The following FLYWCH1 variants were observed in gnomAD, a reference collection of about 807,000 sequenced individuals.
The protein encoded by FLYWCH1 is FLYWCH-type zinc finger 1, also known as FLYWCH-type zinc finger-containing protein 1.
FLYWCH1 carries 75 observed loss-of-function variants against 66.4 expected under a neutral mutation model. The ratio of observed to expected loss-of-function variants is 1.13; its 90% CI spans 0.94 to 1.37. The LOEUF is 1.37. Ranked by LOEUF, FLYWCH1 falls within the 40% of genes most tolerant of loss-of-function variation. The pLI, the probability that FLYWCH1 is intolerant of heterozygous loss-of-function variation, is 0.00. For missense variants in FLYWCH1, 1,334 were observed against 1,001.8 expected (o/e 1.33, Z -4.48); for synonymous variants, 595 against 429.9 (o/e 1.38, Z -4.75).
chr16:2,932,066 C>T (rs1396681975), intron 4 of FLYWCH1, among the ~76,000 whole-genome samples: 1 of 143,260 alleles, frequency 7.0e-6, no homozygotes, highest in East Asian at 2.0e-4. Context: ...TGCCGTGGGC[C>T]AAGATCGTGC....
At chr16:2,913,167 C>T (rs1467516894) in intron 1 of FLYWCH1, 2 of 152,212 alleles carry the variant, frequency 1.3e-5, no homozygotes, top group Non-Finnish European at 2.9e-5. Flanking sequence ...GACCTGTCAG[C>T]ACCCTATGTG....
At chr16:2,943,973 A>G (rs963380202) in intron 9 of FLYWCH1, among the ~76,000 whole-genome samples, 1 of 152,094 alleles carries the variant, frequency 6.6e-6, no homozygotes, top group African/African-American at 2.4e-5. Flanking sequence ...GTGTGGTGGT[A>G]CATGCCCAGC....
chr16:2,945,303 C>T (rs553001693), intron 9 of FLYWCH1, among the ~76,000 whole-genome samples: 17 of 151,384 alleles, frequency 1.1e-4, no homozygotes, highest in South Asian at 6.3e-4. Flanking sequence ...CGGGCTAACA[C>T]GGTAAAATCC....
intron 2 of FLYWCH1, among the ~76,000 whole-genome samples, chr16:2,925,580 G>A (rs866223342): frequency 4.0e-5 from 5 of 124,940 alleles, no homozygotes; most frequent in East Asian, 2.6e-4. Context: ...GTTGCGGGGG[G>A]AGGGGGGTAC....
chr16:2,936,277 C>T (rs2070995570), intron 6 of FLYWCH1: 1 of 396,386 alleles, frequency 2.5e-6, no homozygotes, highest in Non-Finnish European at 5.1e-6. Flanking sequence ...CCACCCCCTC[C>T]CGTGGCCTGG....
At chr16:2,947,559 G>C (rs2071535565) in intron 9 of FLYWCH1, among the ~76,000 whole-genome samples, 1 of 152,118 alleles carries the variant, frequency 6.6e-6, no homozygotes, top group Admixed American at 6.6e-5. Flanking sequence ...TCAGGAGTTT[G>C]AGACCAGCCT....
intron 2 of FLYWCH1, among the ~76,000 whole-genome samples, chr16:2,924,944 C>T (rs920064948): frequency 1.3e-5 from 2 of 152,242 alleles, no homozygotes; most frequent in African/African-American, 2.4e-5. Flanking sequence ...CCTGTCACTT[C>T]CTGTGACTCG....
Position 2,930,900 on chromosome 16 carries a change from C to T in FLYWCH1, c.796+20C>T. ...GGCTGGGTGAGTACAATCCACTCCC[C>T]TGCTGCGTCCACTCGGGGCAGGGGA... is the stretch of plus-strand genomic sequence containing the variant. On this transcript the variant is annotated intron_variant, in intron 4 of 9. Transcript: ENST00000253928. 1 of 1,555,350 alleles carries T rather than the reference C, an allele frequency of 6.4e-7. No individual in the cohort carries two copies. The highest frequency in any genetic ancestry group is 2.4e-5 in the East Asian group (1 of 42,446).
At position 2,933,320 on chromosome 16, in the gene FLYWCH1, C is replaced by T. The variant is rs373958193; in HGVS notation, c.987C>T (p.His329=). Residue 329 remains histidine, a synonymous_variant, in exon 5 of 10, where the codon CAC becomes CAT. Coordinates refer to ENST00000253928, the MANE Select transcript of FLYWCH1 (RefSeq NM_001308068.2). ...AGCGGGTGACTGTGATGCGTGGGCA[C>T]TGCCACCAGCCCGATATGGAGGGCC... ...QGQRVTVMRG[H]CHQPDMEGLE... 9 of 1,610,148 alleles carry T rather than the reference C, an allele frequency of 5.6e-6. No individual in the cohort carries two copies. The highest frequency in any genetic ancestry group is 4.0e-5 in the African/African-American group (3 of 74,792).
rs1018362173 is a variant in FLYWCH1 at position 2,923,984 on chromosome 16, C to A, written c.-73-5629C>A. ...CTCAGGAGGTGGAGGTTGCATTGAG[C>A]TGAGATCGTGCCACTGCACTTAGCC... On this transcript the variant is annotated intron_variant, in intron 2 of 9. Transcript: ENST00000253928. Among the ~76,000 whole-genome samples, 2 of 152,212 alleles carry A rather than the reference C, an allele frequency of 1.3e-5. 1 individual carries two copies. Among genetic ancestry groups the A allele is most frequent in the Admixed American group, 1.3e-4 (2 of 15,284 alleles).
chr16:2,944,394 C>CA (rs58680101), intron 9 of FLYWCH1, among the ~76,000 whole-genome samples: 1,186 of 97,788 alleles, frequency 0.012, 23 homozygotes, highest in East Asian at 0.065. Context: ...AACTCCATCT[C>CA]AAAAAAAAAA....
chr16:2,923,080 A>G, intron 2 of FLYWCH1: 2 of 408,692 alleles, frequency 4.9e-6, no homozygotes, highest in South Asian at 1.9e-5. Flanking sequence ...TATTTTTTTT[A>G]TAGTTTGTTT....
chr16:2,935,304 C>G (rs2070953041), intron 6 of FLYWCH1: 1 of 152,404 alleles, frequency 6.6e-6, no homozygotes, highest in Non-Finnish European at 1.5e-5. Context: ...TAACACAGCT[C>G]TGTCTTCTCT....
chr16:2,932,915 G>A (rs1032016110), intron 4 of FLYWCH1, among the ~76,000 whole-genome samples: 2 of 151,740 alleles, frequency 1.3e-5, no homozygotes, highest in South Asian at 4.3e-4. Context: ...CTCACTGACC[G>A]CTAGGAGAGG....
chr16:2,937,817 T>TGGCTGAGGGGTAGGCTGAGGGGTA (rs138371794), intron 7 of FLYWCH1, among the ~76,000 whole-genome samples: 6 of 151,908 alleles, frequency 3.9e-5, no homozygotes, highest in Non-Finnish European at 5.9e-5. Flanking sequence ...AGCTGCCAGC[T>TGGCTGAGGGGTAGGCTGAGGGGTA]GGCTGAGGGG....
chr16:2,938,156 C>CCA, intron 7 of FLYWCH1, 28 bp from the exon 8 acceptor site: 1 of 1,604,406 alleles, frequency 6.2e-7, no homozygotes, highest in Non-Finnish European at 8.5e-7. Context: ...CCCTGTGGCC[C>CCA]CACTCACAGT....
chr16:2,914,973 T>C (rs866971430), intron 2 of FLYWCH1, among the ~76,000 whole-genome samples: 22 of 149,572 alleles, frequency 1.5e-4, no homozygotes, highest in African/African-American at 5.4e-4. Flanking sequence ...AGAAACACAT[T>C]AGGGCCCCTG....
In FLYWCH1 at chr16:2,930,773, C is replaced by G. The variant is rs751694671; in HGVS notation, c.689C>G (p.Pro230Arg). ...TGGCAGTGCCCTGAGGAGCCCGAGC[C>G]CACTCCTGGGCTGGTGCTGAGCAAG... Reference protein sequence around the residue: ...GPWQCPEEPEPTPGLVLSKPA... With the variant: ...GPWQCPEEPERTPGLVLSKPA... The change falls in exon 4 of 10, where the codon CCC becomes CGC. Residue 230 changes from proline (P) to arginine (R), a missense_variant. Coordinates refer to ENST00000253928, the MANE Select transcript of FLYWCH1 (RefSeq NM_001308068.2). The G allele has an allele frequency of 2.5e-6, 4 of 1,585,964 alleles. No homozygotes were observed. The highest frequency in any genetic ancestry group is 3.4e-6 in the Non-Finnish European group (4 of 1,171,172).
intron 8 of FLYWCH1, 65 bp downstream of exon 8, chr16:2,938,521 G>A: frequency 6.9e-7 from 1 of 1,445,708 alleles, no homozygotes; most frequent in Non-Finnish European, 9.1e-7. Flanking sequence ...GCTCAGAACT[G>A]ATGCCCCAGG....
Sources: gnomAD v4.1 joint callset for allele counts (sites outside exome capture counted in the v4.1 genomes callset) on GRCh38, gnomAD v4.1.1 for gene constraint, MANE v1.5 for transcripts, NCBI Gene and HGNC (gene_info 2026-07-23, HGNC 2026-07-21) for gene names.